Variants in CHUK observed in about 807,000 individuals in gnomAD.
CHUK encodes the protein component of inhibitor of nuclear factor kappa B kinase complex.
In CHUK, 35 loss-of-function variants were observed where a neutral mutation model predicts 104.8. That is an observed-to-expected ratio of 0.33 (90% CI 0.26 to 0.44). CHUK has a LOEUF of 0.44. Among genes scored for constraint, CHUK ranks in the 20% least tolerant of loss-of-function variants. The pLI is 1.00. For synonymous variants in CHUK, 276 were observed against 291.9 expected, an observed-to-expected ratio of 0.95 and a Z score of 0.56; for missense variants, 663 against 902.7, an observed-to-expected ratio of 0.73 and a Z score of 3.40.
intron 8 of CHUK, 79 bp from the exon 9 acceptor site, chr10:100,218,209 G>T: frequency 7.8e-7 from 1 of 1,289,868 alleles, no homozygotes; most frequent in Non-Finnish European, 1.1e-6. Context: ...AGGTAATTTT[G>T]CAGGTTGTCC....
At chr10:100,224,914 A>T (rs1846071902) in intron 2 of CHUK, among the ~76,000 whole-genome samples, 2 of 151,948 alleles carry the variant, frequency 1.3e-5, no homozygotes. Flanking sequence ...CAGTGGTATG[A>T]TCTCAGCTCA....
rs367603419 is a variant in CHUK, at chr10:100,189,577, G to A, written c.*21C>T. 9 of 1,602,632 alleles carry A rather than the reference G, an allele frequency of 5.6e-6. No homozygotes were observed. The highest frequency in any genetic ancestry group is 7.7e-6 in the Non-Finnish European group (9 of 1,169,660). Reference sequence around the variant, plus strand: ...ATAGCAACAACTTCCATAGGTTTGGGGACAGTGAACAAGTGACAACTCATT... The same window carrying A: ...ATAGCAACAACTTCCATAGGTTTGGAGACAGTGAACAAGTGACAACTCATT... On this transcript the variant is annotated 3_prime_UTR_variant, in exon 21 of 21. Coordinates refer to ENST00000370397, the MANE Select transcript of CHUK (RefSeq NM_001278.5).
rs1564836587 is a variant in CHUK, at chr10:100,210,095, T to TTTATTTATTTA, written c.934-307_934-306insTAAATAAATAA. ...TATTTATTTATTTATTTATTTATTT[T>TTTATTTATTTA]TTTTTTTTTTGAGACGGAGTCTCGC... On this transcript the variant is annotated intron_variant, in intron 9 of 20. Transcript: ENST00000370397. Among the ~76,000 whole-genome samples the TTTATTTATTTA allele has an allele frequency of 4.1e-3, 445 of 108,548 alleles. 3 individuals carry two copies. The highest frequency in any genetic ancestry group is 0.012 in the East Asian group (56 of 4,688). The allele number at this position is 108,548 out of a possible 152,430, so 71.2% of individuals were successfully genotyped here.
At chr10:100,222,463 GA>G (rs202214426) in intron 3 of CHUK, among the ~76,000 whole-genome samples, 8 of 151,682 alleles carry the variant, frequency 5.3e-5, no homozygotes, top group East Asian at 1.9e-4. Flanking sequence ...AAATTAGGTA[GA>G]AAAAAAAGAT....
intron 16 of CHUK, 54 bp from the exon 17 acceptor site, chr10:100,194,575 T>C: frequency 8.4e-7 from 1 of 1,195,596 alleles, no homozygotes; most frequent in Non-Finnish European, 1.2e-6. Context: ...CATATCAGCC[T>C]CCAAACAAAA....
chr10:100,220,066 A>G (rs1845950128), intron 5 of CHUK, among the ~76,000 whole-genome samples: 1 of 152,220 alleles, frequency 6.6e-6, no homozygotes, highest in Non-Finnish European at 1.5e-5. Context: ...TAAGTTACCA[A>G]TGAAATGAAC....
chr10:100,201,248 T>A (rs1845455176), intron 14 of CHUK, among the ~76,000 whole-genome samples: 1 of 152,106 alleles, frequency 6.6e-6, no homozygotes, highest in Non-Finnish European at 1.5e-5. Flanking sequence ...GGGTAAGTAC[T>A]GACATTAAGG....
chr10:100,186,643 C>T (rs962522988), downstream of CHUK: 2 of 152,150 alleles, frequency 1.3e-5, no homozygotes, highest in Admixed American at 6.6e-5. Flanking sequence ...ACTTCAGTTT[C>T]CTTGAAGGCT....
chr10:100,220,989 G>A (rs1262652557), intron 4 of CHUK, among the ~76,000 whole-genome samples: 1 of 152,110 alleles, frequency 6.6e-6, no homozygotes, highest in East Asian at 1.9e-4. Flanking sequence ...CATTTCAATT[G>A]GACTTTAGCC....
chr10:100,220,424 G>C (rs1354975680), intron 5 of CHUK, among the ~76,000 whole-genome samples, 164 bp downstream of exon 5: 3 of 152,056 alleles, frequency 2.0e-5, no homozygotes, highest in Admixed American at 1.3e-4. Flanking sequence ...TAGCAGAAGG[G>C]ACAAAAAAAC....
chr10:100,196,227 T>C (rs927571705), intron 16 of CHUK, among the ~76,000 whole-genome samples: 9 of 152,204 alleles, frequency 5.9e-5, no homozygotes, highest in Admixed American at 5.9e-4. Context: ...TCAACCTTTT[T>C]ATCCTCTTAT....
At position 100,190,958 on chromosome 10, in the gene CHUK, CTGAAGTCTCCCTG is replaced by C; in HGVS notation, c.2109-3_2118del. On this transcript the variant is annotated splice_acceptor_variant and splice_polypyrimidine_tract_variant and coding_sequence_variant and intron_variant, in exon 20 of 21. Coordinates refer to ENST00000370397, the MANE Select transcript of CHUK (RefSeq NM_001278.5). LOFTEE classifies it high-confidence loss of function. The stretch of plus-strand genomic sequence containing the variant: ...TTCAAATTTTCTTCTATCATTTGTG[CTGAAGTCTCCCTG>C]TGAGATGAAAGAACAAAGCCTTTTC... 1 of 1,598,862 alleles carries C rather than the reference CTGAAGTCTCCCTG, an allele frequency of 6.3e-7. No homozygotes were observed. The highest frequency in any genetic ancestry group is 8.6e-7 in the Non-Finnish European group (1 of 1,166,110).
intron 5 of CHUK, among the ~76,000 whole-genome samples, chr10:100,219,862 G>A (rs1207238574): frequency 4.0e-5 from 6 of 150,924 alleles, no homozygotes; most frequent in Non-Finnish European, 8.8e-5. Context: ...AAAAAGCAGA[G>A]ATATTTGGTG....
chr10:100,214,513 G>A (rs1845807950), intron 9 of CHUK, among the ~76,000 whole-genome samples: 1 of 152,190 alleles, frequency 6.6e-6, no homozygotes, highest in African/African-American at 2.4e-5. Context: ...ATGAAAGACT[G>A]AAATGGGAAA....
At chr10:100,225,730 C>T (rs1392287226) in intron 2 of CHUK, among the ~76,000 whole-genome samples, 193 bp downstream of exon 2, 1 of 152,106 alleles carries the variant, frequency 6.6e-6, no homozygotes, top group African/African-American at 2.4e-5. Flanking sequence ...GTGTAAGTGT[C>T]CTAGCTGATT....
intron 9 of CHUK, among the ~76,000 whole-genome samples, chr10:100,212,179 G>A (rs948608260): frequency 3.3e-5 from 5 of 151,994 alleles, no homozygotes; most frequent in African/African-American, 9.7e-5. Context: ...CACCATGCCC[G>A]GCCAGTAGTT....
chr10:100,200,604 CA>C, intron 15 of CHUK, 66 bp downstream of exon 15: 1 of 825,750 alleles, frequency 1.2e-6, no homozygotes, highest in East Asian at 2.4e-5. Context: ...TTTAATTTGC[CA>C]GATGTAAGCA....
chr10:100,197,843 G>GCC (rs777324852), intron 16 of CHUK, among the ~76,000 whole-genome samples: 2 of 152,092 alleles, frequency 1.3e-5, no homozygotes, highest in African/African-American at 4.8e-5. Context: ...GGTCAACATA[G>GCC]CAAGAGCCCA....
intron 2 of CHUK, among the ~76,000 whole-genome samples, chr10:100,225,612 C>T (rs1846086757): frequency 6.6e-6 from 1 of 152,026 alleles, no homozygotes; most frequent in Admixed American, 6.6e-5. Context: ...TTTGTATATA[C>T]CCAGAAATGG....
Sources: allele counts gnomAD v4.1 joint callset (sites outside exome capture counted in the v4.1 genomes callset), GRCh38; gene constraint gnomAD v4.1.1; transcripts MANE v1.5; gene names NCBI Gene and HGNC (gene_info 2026-07-23, HGNC 2026-07-21).